The following AKAP13 variants were observed in gnomAD, a reference collection of about 807,000 sequenced individuals.
AKAP13 encodes the protein A-kinase anchor protein 13.
AKAP13 carries 80 observed loss-of-function variants against 264.5 expected under a neutral mutation model. The ratio of observed to expected loss-of-function variants is 0.30; its 90% CI spans 0.25 to 0.36. The LOEUF is 0.36. AKAP13 is among the 10% of genes least tolerant of loss of function. The pLI is 1.00. For missense variants in AKAP13, 3,712 were observed against 3,435.2 expected, an observed-to-expected ratio of 1.08 and a Z score of -2.01; for synonymous variants, 1,380 against 1,250.2, an observed-to-expected ratio of 1.10 and a Z score of -2.19.
intron 35 of AKAP13, among the ~76,000 whole-genome samples, chr15:85,742,604 CTCTT>C (rs1162002213): frequency 6.6e-6 from 1 of 152,032 alleles, no homozygotes; most frequent in East Asian, 1.9e-4. Context: ...TGAAAAACCT[CTCTT>C]TCTCTATAGC....
At chr15:85,704,755 T>C (rs536146062) in intron 17 of AKAP13, among the ~76,000 whole-genome samples, 141 of 152,352 alleles carry the variant, frequency 9.3e-4, no homozygotes, top group Non-Finnish European at 1.6e-3. Flanking sequence ...CAACATGGTA[T>C]GGTTTGTGGC....
intron 6 of AKAP13, among the ~76,000 whole-genome samples, chr15:85,575,863 A>G (rs754160047): frequency 6.6e-6 from 1 of 152,040 alleles, no homozygotes; most frequent in African/African-American, 2.4e-5. Flanking sequence ...GCGTACGCCT[A>G]TAGTCCCAGC....
At chr15:85,671,828 C>T (rs1051623173) in intron 14 of AKAP13, among the ~76,000 whole-genome samples, 3 of 152,070 alleles carry the variant, frequency 2.0e-5, no homozygotes, top group Admixed American at 6.5e-5. Context: ...CAGCAAGTGT[C>T]GTGACATAGT....
At chr15:85,442,552 T>TATATTATATATAATATATATTATA in intron 1 of AKAP13, among the ~76,000 whole-genome samples, 1 of 137,070 alleles carries the variant, frequency 7.3e-6, no homozygotes, top group African/African-American at 2.7e-5. Flanking sequence ...ATATATATAT[T>TATATTATATATAATATATATTATA]TATTTCTAGC....
intron 5 of AKAP13, among the ~76,000 whole-genome samples, chr15:85,552,431 A>T (rs1328965954): frequency 6.6e-6 from 1 of 152,318 alleles, no homozygotes; most frequent in Admixed American, 6.5e-5. Context: ...TATAATAATC[A>T]TTTTGACAAG....
chr15:85,403,856 A>AG (rs1354281629), intron 1 of AKAP13, among the ~76,000 whole-genome samples: 1 of 151,786 alleles, frequency 6.6e-6, no homozygotes, highest in Non-Finnish European at 1.5e-5. Flanking sequence ...TCAAAAAAAA[A>AG]AAAAAAAAAT....
intron 1 of AKAP13, among the ~76,000 whole-genome samples, chr15:85,439,930 C>A (rs1432978256): frequency 6.6e-6 from 1 of 150,792 alleles, no homozygotes; most frequent in African/African-American, 2.4e-5. Flanking sequence ...TGTAACTAAC[C>A]TGCACAATAT....
At chr15:85,568,158 C>T (rs76392968) in intron 5 of AKAP13, among the ~76,000 whole-genome samples, 1,983 of 151,836 alleles carry the variant, frequency 0.013, 28 homozygotes, top group Non-Finnish European at 0.016. Context: ...AAAATTAGCT[C>T]GTATGGTGGT....
rs1159525608 is a variant in AKAP13, at chr15:85,715,917, T to C, written c.5729T>C (p.Ile1910Thr). The C allele has an allele frequency of 6.2e-7, 1 of 1,611,820 alleles. No homozygotes were observed. The highest frequency in any genetic ancestry group is 1.7e-5 in the Admixed American group (1 of 59,338). ...TCCAAAAGTGTCTCCATACAGAACATTACTGGGTAAGTGGAGATATTTAAA... is the reference window on the plus strand; with the variant it reads ...TCCAAAAGTGTCTCCATACAGAACACTACTGGGTAAGTGGAGATATTTAAA... ...SLSKSVSIQN[I>T]TGVGNDENMS... The change falls in exon 20 of 37, where the codon ATT (isoleucine) becomes ACT (threonine). Residue 1910 changes from isoleucine (I) to threonine (T), a missense_variant. This residue lies in a region of AKAP13 where 2,759 missense variants were observed against 2,411.7 expected (regional missense o/e 1.14). Coordinates refer to ENST00000394518, the MANE Select transcript of AKAP13 (RefSeq NM_007200.5).
At chr15:85,730,840 A>G (rs2087948286) in intron 30 of AKAP13, 133 bp downstream of exon 30, 5 of 787,480 alleles carry the variant, frequency 6.3e-6, no homozygotes, top group South Asian at 6.0e-5. Context: ...ATATTTCACT[A>G]TAGTAAATTA....
intron 2 of AKAP13, among the ~76,000 whole-genome samples, chr15:85,509,927 T>C (rs2076363806): frequency 6.6e-6 from 1 of 152,232 alleles, no homozygotes; most frequent in Non-Finnish European, 1.5e-5. Flanking sequence ...GTTGCAAATA[T>C]CATTTCTTTC....
intron 14 of AKAP13, among the ~76,000 whole-genome samples, chr15:85,674,480 A>G (rs140409180): frequency 6.6e-6 from 1 of 152,238 alleles, no homozygotes; most frequent in African/African-American, 2.4e-5. Context: ...AGCATTTCAG[A>G]AGGAATACTC....
chr15:85,513,390 T>C (rs1350668217), intron 2 of AKAP13, among the ~76,000 whole-genome samples: 1 of 152,106 alleles, frequency 6.6e-6, no homozygotes. Flanking sequence ...TTTATTTTTA[T>C]GTTTTTAAAA....
chr15:85,492,070 C>T (rs530545682), intron 2 of AKAP13, among the ~76,000 whole-genome samples: 1 of 152,186 alleles, frequency 6.6e-6, no homozygotes, highest in African/African-American at 2.4e-5. Flanking sequence ...TGTCTTATTA[C>T]AAATACCAAG....
intron 8 of AKAP13, among the ~76,000 whole-genome samples, chr15:85,609,129 A>T (rs1460172377): frequency 6.6e-6 from 1 of 152,222 alleles, no homozygotes; most frequent in Non-Finnish European, 1.5e-5. Flanking sequence ...TGATGAAAAC[A>T]TTCAAAATCC....
At chr15:85,728,160 G>A (rs939427931) in intron 29 of AKAP13, among the ~76,000 whole-genome samples, 1 of 152,212 alleles carries the variant, frequency 6.6e-6, no homozygotes, top group Non-Finnish European at 1.5e-5. Context: ...GGCTAAGCCA[G>A]AATTCTATTC....
rs144325214 is a variant in AKAP13 at position 85,729,542 on chromosome 15, A to G, written c.7088-971A>G. On this transcript the variant is annotated intron_variant, in intron 29 of 36. Transcript: ENST00000394518. ...GGGCGCCATGGTCTGCTGCTAAGAA[A>G]GGGGAGGGTTTTTGATGGTTTAATG... 5.9e-3 allele frequency among the ~76,000 whole-genome samples: 904 copies of G among 152,274 alleles called. 7 individuals carry two copies. The highest frequency in any genetic ancestry group is 0.02 in the African/African-American group (842 of 41,544).
At chr15:85,497,760 C>G (rs921495483) in intron 2 of AKAP13, among the ~76,000 whole-genome samples, 1 of 152,120 alleles carries the variant, frequency 6.6e-6, no homozygotes, top group Non-Finnish European at 1.5e-5. Context: ...TCCATCATTG[C>G]AGAAAATTCT....
At chr15:85,740,741 CCACCCACCCACACAG>C (rs2088896804) in intron 34 of AKAP13, among the ~76,000 whole-genome samples, 1 of 129,222 alleles carries the variant, frequency 7.7e-6, no homozygotes, top group African/African-American at 3.0e-5. Flanking sequence ...CACACACAAC[CCACCCACCCACACAG>C]ACACACACAC....
Sources: gnomAD v4.1 joint callset for allele counts (sites outside exome capture counted in the v4.1 genomes callset) on GRCh38, gnomAD v4.1.1 for gene constraint, gnomAD v4.1.1 regional missense constraint, MANE v1.5 for transcripts, NCBI Gene and HGNC (gene_info 2026-07-23, HGNC 2026-07-21) for gene names.